Variants in DAP observed in about 807,000 individuals in gnomAD.
DAP encodes death-associated protein 1.
Under a neutral mutation model 13.8 loss-of-function variants are expected in DAP, and 8 were observed. The ratio of observed to expected loss-of-function variants is 0.58; its 90% confidence interval spans 0.34 to 1.05. The LOEUF (loss-of-function observed/expected upper bound fraction) is 1.05, where lower values mean the gene tolerates loss of function less well. DAP is among the 50% of genes least tolerant of loss of function. DAP has a pLI of 0.03. For missense variants in DAP, 106 were observed against 133.2 expected (o/e 0.80, Z 1.01); for synonymous variants, 47 against 47.5 (o/e 0.99, Z 0.04).
At chr5:10,697,207 T>C (rs993974271) in intron 2 of DAP, among the ~76,000 whole-genome samples, 8 of 152,184 alleles carry the variant, frequency 5.3e-5, no homozygotes, top group African/African-American at 1.9e-4. Context: ...TCCTTTGCAG[T>C]ATTCAGAAAG....
At chr5:10,745,046 T>C (rs1227627876) in intron 2 of DAP, among the ~76,000 whole-genome samples, 1 of 152,180 alleles carries the variant, frequency 6.6e-6, no homozygotes, top group Non-Finnish European at 1.5e-5. Flanking sequence ...TGAATTAATA[T>C]GAACAGAGCA....
intron 2 of DAP, among the ~76,000 whole-genome samples, chr5:10,720,726 C>T (rs921557615): frequency 1.1e-4 from 16 of 152,196 alleles, no homozygotes; most frequent in African/African-American, 3.4e-4. Context: ...GCCCTCAATA[C>T]GGCACCATTC....
At position 10,761,202 on chromosome 5, in the gene DAP, G is replaced by A. The variant is rs1740350614; in HGVS notation, c.-134C>T. On this transcript the variant is annotated 5_prime_UTR_variant, in exon 1 of 4. Coordinates refer to ENST00000230895, the MANE Select transcript of DAP (RefSeq NM_004394.3). The stretch of plus-strand genomic sequence containing the variant: ...ACGACGCGCGCGCGTGGGGCGCCGG[G>A]GCCGCGCGAGCCGGGTGAGTGCCAC... 2 of 335,984 alleles carry A rather than the reference G, an allele frequency of 6.0e-6. No individual in the cohort carries two copies. The highest frequency in any genetic ancestry group is 4.5e-5 in the African/African-American group (2 of 44,766). 20.8% of individuals were successfully genotyped at this position (335,984 alleles called of 1,614,324 possible). A position where few individuals can be genotyped will look rare whatever the true frequency, so the allele number is the denominator to read the frequency against.
chr5:10,699,096 C>T (rs573984102), intron 2 of DAP, among the ~76,000 whole-genome samples: 83 of 152,288 alleles, frequency 5.5e-4, no homozygotes, highest in African/African-American at 1.9e-3. Flanking sequence ...CCACTTGGCT[C>T]TATTTCAAAT....
At chr5:10,724,951 A>G (rs982552990) in intron 2 of DAP, among the ~76,000 whole-genome samples, 6 of 152,044 alleles carry the variant, frequency 3.9e-5, no homozygotes, top group African/African-American at 1.5e-4. Flanking sequence ...CTGTGTGCTG[A>G]CTTGAGCTTC....
chr5:10,711,167 G>C (rs1331830255), intron 2 of DAP, among the ~76,000 whole-genome samples: 1 of 152,210 alleles, frequency 6.6e-6, no homozygotes, highest in Non-Finnish European at 1.5e-5. Flanking sequence ...AGAGAAAAGG[G>C]TTTTGCTCTG....
At chr5:10,749,795 C>A (rs929654306) in intron 1 of DAP, among the ~76,000 whole-genome samples, 1 of 139,802 alleles carries the variant, frequency 7.2e-6, no homozygotes, top group Non-Finnish European at 1.5e-5. Context: ...TCCATCAGGG[C>A]TACAGTGTTC....
At chr5:10,754,356 T>C (rs1740125490) in intron 1 of DAP, among the ~76,000 whole-genome samples, 1 of 152,172 alleles carries the variant, frequency 6.6e-6, no homozygotes, top group African/African-American at 2.4e-5. Flanking sequence ...TGGTTTGTGC[T>C]AAAAAATGAG....
intron 2 of DAP, among the ~76,000 whole-genome samples, chr5:10,686,153 G>A (rs1258726405): frequency 6.6e-6 from 1 of 152,164 alleles, no homozygotes; most frequent in Non-Finnish European, 1.5e-5. Context: ...CATATAAGAT[G>A]GTAAACTTAA....
At chr5:10,683,487 A>G in intron 3 of DAP, 42 bp downstream of exon 3, 1 of 1,600,694 alleles carries the variant, frequency 6.2e-7, no homozygotes, top group East Asian at 2.2e-5. Context: ...CCATGCTGCC[A>G]TGCAAAAGCC....
chr5:10,701,327 C>G (rs532453798), intron 2 of DAP, among the ~76,000 whole-genome samples: 2 of 152,294 alleles, frequency 1.3e-5, no homozygotes, highest in Admixed American at 1.3e-4. Context: ...TCATGGAGAA[C>G]GCAAGTCAAA....
intron 2 of DAP, among the ~76,000 whole-genome samples, chr5:10,739,405 C>T (rs539105214): frequency 2.6e-5 from 4 of 151,768 alleles, no homozygotes; most frequent in African/African-American, 9.7e-5. Flanking sequence ...ACAGCTATCA[C>T]TTAATACGTG....
At chr5:10,730,127 T>C (rs1397766419) in intron 2 of DAP, among the ~76,000 whole-genome samples, 2 of 152,250 alleles carry the variant, frequency 1.3e-5, no homozygotes, top group Admixed American at 1.3e-4. Context: ...ACAGCTCATC[T>C]TCAGCTGTCC....
chr5:10,760,937 G>A, intron 1 of DAP, 77 bp downstream of exon 1: 2 of 971,600 alleles, frequency 2.1e-6, no homozygotes, highest in South Asian at 4.8e-5. Context: ...CCTCCCCGCG[G>A]AGCCCCCGCC....
chr5:10,705,965 T>TATGC, intron 2 of DAP, among the ~76,000 whole-genome samples: 1 of 152,154 alleles, frequency 6.6e-6, no homozygotes, highest in Non-Finnish European at 1.5e-5. Context: ...ATTTCTCAAA[T>TATGC]ATGCATCATT....
chr5:10,713,092 T>C (rs370381707), intron 2 of DAP, among the ~76,000 whole-genome samples: 2 of 152,226 alleles, frequency 1.3e-5, no homozygotes, highest in Admixed American at 6.5e-5. Context: ...TTTATCTCTG[T>C]TGACATCTGA....
chr5:10,756,684 C>T (rs1740191758), intron 1 of DAP, among the ~76,000 whole-genome samples: 1 of 152,188 alleles, frequency 6.6e-6, no homozygotes, highest in Non-Finnish European at 1.5e-5. Flanking sequence ...ATGGTTTTGG[C>T]TCCACTGGGA....
chr5:10,707,209 C>T lies in DAP; in HGVS notation c.153-23638G>A, dbSNP rs1738719025. 6.6e-6 allele frequency among the ~76,000 whole-genome samples: 1 copy of T among 152,164 alleles called. No homozygotes were observed. Among genetic ancestry groups the T allele is most frequent in the African/African-American group, 2.4e-5 (1 of 41,438 alleles). On this transcript the variant is annotated intron_variant, in intron 2 of 3. Transcript: ENST00000230895. This position sits in a 1 kb window ranked among gnomAD's most constrained non-coding sequence, Gnocchi z 4.0. ...GGAAGGCCAAGGTGCTAAAGGAGCA[C>T]ACAGCAGGGGTTTAAACTGGTTTGG...
At chr5:10,754,628 C>T (rs535533469) in intron 1 of DAP, among the ~76,000 whole-genome samples, 14 of 152,240 alleles carry the variant, frequency 9.2e-5, no homozygotes, top group Non-Finnish European at 1.6e-4. Flanking sequence ...GGCACCTTGC[C>T]GGACATCTGA....
Sources: allele counts gnomAD v4.1 joint callset (sites outside exome capture counted in the v4.1 genomes callset), GRCh38; gene constraint gnomAD v4.1.1; non-coding constraint Gnocchi (gnomAD v3.1); transcripts MANE v1.5; gene names NCBI Gene and HGNC (gene_info 2026-07-23, HGNC 2026-07-21).